Variants in FSCN1 observed in about 807,000 individuals in gnomAD.
FSCN1 encodes the protein fascin.
FSCN1 carries 10 observed loss-of-function variants against 39.7 expected under a neutral mutation model. The observed-to-expected ratio is 0.25, with a 90% CI of 0.16 to 0.43. FSCN1 has a LOEUF of 0.43. FSCN1 is among the 20% of genes least tolerant of loss of function. The probability of loss-of-function intolerance (pLI) is 1.00; values close to 1 mark genes in which losing one functional copy is unlikely to be tolerated. For missense variants in FSCN1, 525 were observed against 723.8 expected, an observed-to-expected ratio of 0.73 and a Z score of 3.15; for synonymous variants, 322 against 320.0, an observed-to-expected ratio of 1.01 and a Z score of -0.07.
intron 1 of FSCN1, among the ~76,000 whole-genome samples, chr7:5,594,362 G>C (rs556439328): frequency 5.3e-5 from 7 of 133,126 alleles, no homozygotes; most frequent in Admixed American, 3.8e-4. Flanking sequence ...CTCCGCTGGT[G>C]GGGGGGGGCG....
At chr7:5,600,850 G>T (rs1297384950) in intron 1 of FSCN1, among the ~76,000 whole-genome samples, 3 of 151,530 alleles carry the variant, frequency 2.0e-5, no homozygotes, top group African/African-American at 7.3e-5. Flanking sequence ...TAATAGAGAC[G>T]GGTTTCACCG....
chr7:5,604,821 A>G (rs1785903472), intron 4 of FSCN1, among the ~76,000 whole-genome samples: 1 of 152,130 alleles, frequency 6.6e-6, no homozygotes, highest in South Asian at 2.1e-4. Context: ...TATTTTTCAT[A>G]GAGACGGGTT....
rs758856457 is a variant in FSCN1, at chr7:5,593,256, C to A, written c.320C>A (p.Ala107Glu). 1.2e-6 allele frequency: 2 copies of A among 1,609,060 alleles called. No individual in the cohort carries two copies. The highest frequency in any genetic ancestry group is 1.7e-6 in the Non-Finnish European group (2 of 1,178,828). Residue 107 changes from alanine to glutamate, a missense_variant, in exon 1 of 5, where the codon GCG becomes GAG. By Grantham distance (107) the Ala-to-Glu change is moderately radical. This residue lies in a region of FSCN1 where 246 missense variants were observed against 350.6 expected (regional missense o/e 0.70). Coordinates refer to ENST00000382361, the MANE Select transcript of FSCN1 (RefSeq NM_003088.4). ...GGTCGCTGGTCGCTGCAGTCCGAGG[C>A]GCACCGGCGCTACTTCGGCGGCACC... is the stretch of plus-strand genomic sequence containing the variant. Reference protein sequence around the residue: ...DDGRWSLQSEAHRRYFGGTED... With the variant: ...DDGRWSLQSEEHRRYFGGTED...
At chr7:5,596,694 A>G (rs1785736318) in intron 1 of FSCN1, among the ~76,000 whole-genome samples, 1 of 152,266 alleles carries the variant, frequency 6.6e-6, no homozygotes, top group East Asian at 1.9e-4. Context: ...GGCTTGGGAC[A>G]TGCCCTCTCC....
Position 5,599,216 on chromosome 7 carries a change from G to A in FSCN1, c.833-4041G>A, listed in dbSNP as rs1378209765. Reference sequence around the variant, plus strand: ...CCACCCAGTGCGGTGGATGCTCGTCGGAGGGCAGAGGGTGGGCTACCGGCT... The same window carrying A: ...CCACCCAGTGCGGTGGATGCTCGTCAGAGGGCAGAGGGTGGGCTACCGGCT... On this transcript the variant is annotated intron_variant, in intron 1 of 4. Coordinates refer to ENST00000382361, the MANE Select transcript of FSCN1 (RefSeq NM_003088.4). This position sits in a 1 kb window ranked among gnomAD's most constrained non-coding sequence, Gnocchi z 5.6. Among the ~76,000 whole-genome samples the A allele has an allele frequency of 2.0e-5, 3 of 152,126 alleles. No homozygotes were observed. The highest frequency in any genetic ancestry group is 4.8e-5 in the African/African-American group (2 of 41,410).
intron 1 of FSCN1, among the ~76,000 whole-genome samples, chr7:5,602,438 C>T (rs1584303344): frequency 1.3e-5 from 2 of 151,926 alleles, no homozygotes; most frequent in Admixed American, 6.6e-5. Flanking sequence ...CCAGACACGG[C>T]CCCCCAAGAT....
intron 1 of FSCN1, among the ~76,000 whole-genome samples, chr7:5,601,197 C>CTTTTTT (rs534109521): frequency 1.0e-4 from 12 of 115,522 alleles, no homozygotes; most frequent in Middle Eastern, 5.6e-3. Context: ...TTCTTTCTTC[C>CTTTTTT]TTTTTTTTTT....
chr7:5,595,412 C>T (rs1785712291), intron 1 of FSCN1, among the ~76,000 whole-genome samples: 1 of 152,212 alleles, frequency 6.6e-6, no homozygotes, highest in African/African-American at 2.4e-5. Context: ...GGGCAGAGCT[C>T]CTCACCTGAT....
rs774102065 is a variant in FSCN1 at position 5,603,363 on chromosome 7, G to C, written c.939G>C (p.Lys313Asn). The change falls in exon 2 of 5, where the codon AAG becomes AAC. Residue 313 changes from lysine (K) to asparagine (N), a missense_variant. Around this residue, in one of 3 missense-constraint regions of FSCN1, gnomAD observed 275 missense variants for 351.9 expected, o/e 0.78. Transcript: ENST00000382361. This position sits in a 1 kb window ranked among gnomAD's most constrained non-coding sequence, Gnocchi z 8.5. ...GTGCCTTCCGTACCCACACGGGCAA[G>C]TACTGGACGCTGACGGCCACCGGGG... ...KKCAFRTHTGKYWTLTATGGV... is the reference protein window; with the variant it reads ...KKCAFRTHTGNYWTLTATGGV... 1.2e-6 allele frequency: 2 copies of C among 1,613,760 alleles called. No individual in the cohort carries two copies. The highest frequency in any genetic ancestry group is 1.7e-5 in the Admixed American group (1 of 60,022).
Position 5,603,595 on chromosome 7 carries a change from G to A in FSCN1, c.1089G>A (p.Leu363=). The change falls in exon 3 of 5, where the codon CTG becomes CTA. Residue 363 remains leucine, a synonymous_variant. Transcript: ENST00000382361. The surrounding 1 kb of genome is among the most constrained non-coding windows in gnomAD (Gnocchi z 8.5). ...TGACCTCCAAGAAGAATGGGCAGCT[G>A]GCCGCCTCGGTGGAGACAGCAGGTA... ...KFVTSKKNGQ[L]AASVETAGDS... 1 of 1,614,116 alleles carries A rather than the reference G, an allele frequency of 6.2e-7. No homozygotes were observed. Among genetic ancestry groups the A allele is most frequent in the Non-Finnish European group, 8.5e-7 (1 of 1,180,030 alleles).
rs1584296711 is a variant in FSCN1 at position 5,593,431 on chromosome 7, G to C, written c.495G>C (p.Val165=). 6.2e-7 allele frequency: 1 copy of C among 1,611,958 alleles called. No individual in the cohort carries two copies. Among genetic ancestry groups the C allele is most frequent in the Admixed American group, 1.7e-5 (1 of 59,960 alleles). Residue 165 remains valine (V), a synonymous_variant, in exon 1 of 5, where the codon GTG becomes GTC. Coordinates refer to ENST00000382361, the MANE Select transcript of FSCN1 (RefSeq NM_003088.4). The part of the protein sequence containing the change: ...LSARPADEIA[V]DRDVPWGVDS... ...CGCGGCCGGCCGACGAGATCGCCGT[G>C]GACCGCGACGTGCCCTGGGGCGTCG... is the stretch of plus-strand genomic sequence containing the variant.
rs554580227 is a variant in FSCN1 at position 5,604,794 on chromosome 7, C to T, written c.1280-478C>T. Among the ~76,000 whole-genome samples the T allele has an allele frequency of 5.9e-5, 9 of 152,274 alleles. No homozygotes were observed. In the East Asian group the frequency reaches 1.7e-3, roughly 29 times the overall value. ...GGGACTATGTGTGGGAGCCACCATG[C>T]CTGGCTAATTTTTTTGTATTTTTCA... On this transcript the variant is annotated intron_variant, in intron 4 of 4. Coordinates refer to ENST00000382361, the MANE Select transcript of FSCN1 (RefSeq NM_003088.4).
chr7:5,595,928 G>A (rs1785722380), intron 1 of FSCN1, among the ~76,000 whole-genome samples: 1 of 152,142 alleles, frequency 6.6e-6, no homozygotes, highest in South Asian at 2.1e-4. Context: ...GGGGGCGTCT[G>A]GTGTGTGATT....
intron 1 of FSCN1, among the ~76,000 whole-genome samples, chr7:5,594,338 C>G (rs1263193697): frequency 6.6e-6 from 1 of 151,846 alleles, no homozygotes; most frequent in African/African-American, 2.4e-5. Flanking sequence ...CTCCCGCTGC[C>G]GGGCGGGGTC....
At chr7:5,604,377 G>A (rs1326033710) in intron 4 of FSCN1, among the ~76,000 whole-genome samples, 1 of 152,050 alleles carries the variant, frequency 6.6e-6, no homozygotes, top group East Asian at 1.9e-4. Flanking sequence ...TCTGGAAAGG[G>A]TGTGCAGGGG....
intron 1 of FSCN1, among the ~76,000 whole-genome samples, chr7:5,601,990 TG>T (rs1785839807): frequency 1.3e-5 from 2 of 151,862 alleles, no homozygotes; most frequent in Admixed American, 6.6e-5. Flanking sequence ...ATTTCATTCT[TG>T]TTGCCCAGGC....
chr7:5,597,971 G>C (rs549518068), intron 1 of FSCN1, among the ~76,000 whole-genome samples: 138 of 147,910 alleles, frequency 9.3e-4, no homozygotes, highest in Non-Finnish European at 1.6e-3. Flanking sequence ...AGAAAACACT[G>C]TTCCCATAGT....
rs374393905 is a variant in FSCN1, at chr7:5,603,221, G to A, written c.833-36G>A. The A allele has an allele frequency of 1.2e-4, 198 of 1,608,880 alleles. No homozygotes were observed. The African/African-American group carries it at 2.4e-3, about 19-fold the overall frequency. ...TGGTCTGCCAGAACTAGGGGGCGTGGGGCCCCAGTACCAGCCCAAGGCCTC... is the reference window on the plus strand; with the variant it reads ...TGGTCTGCCAGAACTAGGGGGCGTGAGGCCCCAGTACCAGCCCAAGGCCTC... On this transcript the variant is annotated intron_variant, in intron 1 of 4. Coordinates refer to ENST00000382361, the MANE Select transcript of FSCN1 (RefSeq NM_003088.4). This position sits in a 1 kb window ranked among gnomAD's most constrained non-coding sequence, Gnocchi z 8.5.
chr7:5,603,492 C>G lies in FSCN1; in HGVS notation c.990-4C>G, dbSNP rs961286728. Reference sequence around the variant, plus strand: ...CCGCCTGACCCTGTCCCGCCATCCCCCAGGAATGCCAGCTGCTACTTTGAC... The same window carrying G: ...CCGCCTGACCCTGTCCCGCCATCCCGCAGGAATGCCAGCTGCTACTTTGAC... On this transcript the variant is annotated splice_polypyrimidine_tract_variant and splice_region_variant and intron_variant, in intron 2 of 4. Coordinates refer to ENST00000382361, the MANE Select transcript of FSCN1 (RefSeq NM_003088.4). The surrounding 1 kb of genome is among the most constrained non-coding windows in gnomAD (Gnocchi z 8.5). 6.2e-7 allele frequency: 1 copy of G among 1,614,028 alleles called. No individual in the cohort carries two copies. The highest frequency in any genetic ancestry group is 1.3e-5 in the African/African-American group (1 of 74,934).
Sources: allele counts gnomAD v4.1 joint callset (sites outside exome capture counted in the v4.1 genomes callset), GRCh38; gene constraint gnomAD v4.1.1; regional missense constraint gnomAD v4.1.1; non-coding constraint Gnocchi (gnomAD v3.1); transcripts MANE v1.5; gene names NCBI Gene and HGNC (gene_info 2026-07-23, HGNC 2026-07-21).